PRKCE: variants seen among roughly 807,000 people sequenced by gnomAD.
The protein encoded by PRKCE is protein kinase C epsilon type.
A neutral mutation model predicts 85.4 loss-of-function variants in PRKCE; 16 were observed. The ratio of observed to expected loss-of-function variants is 0.19; its 90% CI spans 0.13 to 0.28. The LOEUF (loss-of-function observed/expected upper bound fraction) is 0.28. Ranked by LOEUF, PRKCE falls within the 10% of genes least tolerant of loss-of-function variation. The probability of loss-of-function intolerance (pLI) is 1.00; values close to 1 mark genes in which losing one functional copy is unlikely to be tolerated. For missense variants in PRKCE, 573 were observed against 975.2 expected, an observed-to-expected ratio of 0.59 and a Z score of 5.49; for synonymous variants, 388 against 371.5, an observed-to-expected ratio of 1.04 and a Z score of -0.51.
chr2:45,707,345 T>TCA (rs1379588852), intron 1 of PRKCE, among the ~76,000 whole-genome samples: 1 of 152,222 alleles, frequency 6.6e-6, no homozygotes, highest in Non-Finnish European at 1.5e-5. Context: ...ACATCTGAAT[T>TCA]CACTGGAGAG....
At chr2:45,824,952 G>A (rs1485185917) in intron 1 of PRKCE, among the ~76,000 whole-genome samples, 1 of 152,206 alleles carries the variant, frequency 6.6e-6, no homozygotes, top group Non-Finnish European at 1.5e-5. Context: ...CAGGAGACGG[G>A]GTTGGAGAGG....
At chr2:46,030,027 A>G (rs1707406924) in intron 10 of PRKCE, among the ~76,000 whole-genome samples, 1 of 152,162 alleles carries the variant, frequency 6.6e-6, no homozygotes, top group African/African-American at 2.4e-5. Flanking sequence ...CTGTAAACCC[A>G]TTAGAAAGTT....
At chr2:45,698,726 TA>T (rs1040849974) in intron 1 of PRKCE, among the ~76,000 whole-genome samples, 5 of 152,096 alleles carry the variant, frequency 3.3e-5, no homozygotes, top group Non-Finnish European at 7.4e-5. Flanking sequence ...CCATGTATCC[TA>T]GGAAGCCATC....
intron 11 of PRKCE, among the ~76,000 whole-genome samples, chr2:46,092,483 A>G (rs1163708969): frequency 1.3e-5 from 2 of 152,180 alleles, no homozygotes; most frequent in Admixed American, 1.3e-4. Context: ...CCAAGCCTAG[A>G]TTCTTCTGTA....
At chr2:45,934,889 C>A (rs78032360) in intron 2 of PRKCE, among the ~76,000 whole-genome samples, 1,878 of 107,440 alleles carry the variant, frequency 0.017, no homozygotes, top group Non-Finnish European at 0.019. Flanking sequence ...CATGTCTCTA[C>A]AAAAAAAAAA....
intron 11 of PRKCE, among the ~76,000 whole-genome samples, chr2:46,097,089 C>G (rs1670761241): frequency 6.6e-6 from 1 of 152,046 alleles, no homozygotes; most frequent in African/African-American, 2.4e-5. Context: ...AGGCTAAGGG[C>G]CCAGATCTCA....
chr2:45,821,208 G>A (rs1689504141), intron 1 of PRKCE, among the ~76,000 whole-genome samples: 1 of 152,184 alleles, frequency 6.6e-6, no homozygotes, highest in South Asian at 2.1e-4. Context: ...AGGAGGGACA[G>A]CATTTAAAAA....
At chr2:45,653,282 A>G (rs73926022) in intron 1 of PRKCE, among the ~76,000 whole-genome samples, 106 of 151,832 alleles carry the variant, frequency 7.0e-4, no homozygotes, top group African/African-American at 2.4e-3. Flanking sequence ...GTCTCAATCT[A>G]CTATAAACCA....
intron 1 of PRKCE, among the ~76,000 whole-genome samples, chr2:45,717,289 G>T (rs1452572020): frequency 1.3e-5 from 2 of 152,152 alleles, no homozygotes; most frequent in Non-Finnish European, 2.9e-5. Context: ...AGTCTGTTTG[G>T]ACCTATGGGT....
intron 2 of PRKCE, 75 bp from the exon 3 acceptor site, chr2:45,976,354 C>A: frequency 6.6e-7 from 1 of 1,511,822 alleles, no homozygotes; most frequent in Non-Finnish European, 8.9e-7. Context: ...GATGGAGTAG[C>A]TCTCCAGAGG....
chr2:45,865,902 C>T (rs1454066085), intron 2 of PRKCE, among the ~76,000 whole-genome samples: 1 of 150,836 alleles, frequency 6.6e-6, no homozygotes, highest in African/African-American at 2.4e-5. Flanking sequence ...ACTGCAGCCT[C>T]AACCTCACAG....
chr2:45,850,421 T>C (rs534278399), intron 2 of PRKCE, among the ~76,000 whole-genome samples: 16 of 152,232 alleles, frequency 1.1e-4, no homozygotes, highest in Non-Finnish European at 2.4e-4. Context: ...GAAGATTGTT[T>C]CTGGAAATTC....
chr2:45,788,673 C>T (rs1279487496), intron 1 of PRKCE, among the ~76,000 whole-genome samples: 3 of 152,130 alleles, frequency 2.0e-5, no homozygotes, highest in African/African-American at 2.4e-5. Flanking sequence ...TCATGAGGAC[C>T]AGAGGGACAC....
intron 1 of PRKCE, among the ~76,000 whole-genome samples, chr2:45,676,452 C>A (rs1186215165): frequency 6.6e-6 from 1 of 152,162 alleles, no homozygotes; most frequent in African/African-American, 2.4e-5. Context: ...ACATGCAGGT[C>A]AGAATGACGT....
At chr2:45,659,625 A>G (rs531603362) in intron 1 of PRKCE, among the ~76,000 whole-genome samples, 75 of 152,158 alleles carry the variant, frequency 4.9e-4, no homozygotes, top group African/African-American at 1.7e-3. Flanking sequence ...CTCTCTAGCT[A>G]TCCTGACCCA....
At chr2:45,811,665 G>A (rs1688662793) in intron 1 of PRKCE, among the ~76,000 whole-genome samples, 1 of 152,130 alleles carries the variant, frequency 6.6e-6, no homozygotes, top group Non-Finnish European at 1.5e-5. Context: ...CCGGGAAAAG[G>A]GTAATGTTTA....
At position 45,895,741 on chromosome 2, in the gene PRKCE, G is replaced by T. The variant is rs1423170868; in HGVS notation, c.412+52678G>T. ...CTGGGGCAATCCAGTGGAAAAGGATGGTCTCAATCTCAGTGCAGTAGGAAA... is the reference window on the plus strand; with the variant it reads ...CTGGGGCAATCCAGTGGAAAAGGATTGTCTCAATCTCAGTGCAGTAGGAAA... On this transcript the variant is annotated intron_variant, in intron 2 of 14. Transcript: ENST00000306156. The surrounding 1 kb of genome is among the most constrained non-coding windows in gnomAD (Gnocchi z 4.8). Among the ~76,000 whole-genome samples the T allele has an allele frequency of 6.6e-6, 1 of 152,178 alleles. No homozygotes were observed. Among genetic ancestry groups the T allele is most frequent in the African/African-American group, 2.4e-5 (1 of 41,442 alleles).
chr2:46,181,953 C>T (rs1680018382), intron 14 of PRKCE, among the ~76,000 whole-genome samples: 1 of 152,202 alleles, frequency 6.6e-6, no homozygotes, highest in South Asian at 2.1e-4. Context: ...AGCCAGCCCT[C>T]TGCCTGGATT....
At chr2:46,065,880 G>A (rs1003011129) in intron 10 of PRKCE, among the ~76,000 whole-genome samples, 10 of 152,120 alleles carry the variant, frequency 6.6e-5, no homozygotes, top group South Asian at 2.1e-4. Flanking sequence ...CTGATGGCAC[G>A]GTCTCTTGGG....
Sources: allele counts gnomAD v4.1 joint callset (sites outside exome capture counted in the v4.1 genomes callset), GRCh38; gene constraint gnomAD v4.1.1; non-coding constraint Gnocchi (gnomAD v3.1); transcripts MANE v1.5; gene names NCBI Gene and HGNC (gene_info 2026-07-23, HGNC 2026-07-21).